Variants in PPP4R4 observed in about 807,000 individuals in gnomAD.
PPP4R4 encodes protein phosphatase 4 regulatory subunit 4.
PPP4R4 carries 70 observed loss-of-function variants against 121.8 expected under a neutral mutation model. That is an observed-to-expected ratio of 0.57 (90% CI 0.47 to 0.70). The LOEUF is 0.70. Ranked by LOEUF, PPP4R4 falls within the 30% of genes least tolerant of loss-of-function variation. The pLI is 0.00. For missense variants in PPP4R4, 875 were observed against 1,033.6 expected, an observed-to-expected ratio of 0.85 and a Z score of 2.10; for synonymous variants, 348 against 355.7, an observed-to-expected ratio of 0.98 and a Z score of 0.24.
intron 8 of PPP4R4, 77 bp downstream of exon 8, chr14:94,237,763 A>G (rs1892419748): frequency 1.3e-6 from 2 of 1,496,456 alleles, no homozygotes. Flanking sequence ...AAGGAATAAA[A>G]GTAGATTTAG....
At chr14:94,176,197 A>C (rs1888673054) in intron 2 of PPP4R4, 70 bp downstream of exon 2, 2 of 1,286,004 alleles carry the variant, frequency 1.6e-6, no homozygotes, top group South Asian at 1.2e-5. Flanking sequence ...TGCTTTCTAA[A>C]ATGTATGTTC....
At chr14:94,248,911 C>T (rs1893035445) in intron 14 of PPP4R4, among the ~76,000 whole-genome samples, 1 of 151,902 alleles carries the variant, frequency 6.6e-6, no homozygotes, top group Non-Finnish European at 1.5e-5. Flanking sequence ...GACAAATGCA[C>T]TTTGTTTTTA....
At position 94,278,442 on chromosome 14, in the gene PPP4R4, T is replaced by A. The variant is rs74075917; in HGVS notation, c.2598-177T>A. The stretch of plus-strand genomic sequence containing the variant: ...TAATCTTTAATGTGTAATTCATTTT[T>A]TCCCTTAATCAGACTTCTCATATAT... On this transcript the variant is annotated intron_variant, in intron 24 of 24. Transcript: ENST00000304338. Among the ~76,000 whole-genome samples the A allele has an allele frequency of 3.0e-3, 462 of 152,326 alleles. 2 individuals are homozygous for A. Among genetic ancestry groups the A allele is most frequent in the African/African-American group, 0.011 (447 of 41,582 alleles).
intron 19 of PPP4R4, among the ~76,000 whole-genome samples, chr14:94,263,302 T>C (rs1352975713): frequency 6.6e-6 from 1 of 152,098 alleles, no homozygotes; most frequent in African/African-American, 2.4e-5. Context: ...TTGTTCTTTC[T>C]CAATTTTTAA....
At chr14:94,183,507 G>T (rs759969732) in intron 2 of PPP4R4, among the ~76,000 whole-genome samples, 1 of 152,250 alleles carries the variant, frequency 6.6e-6, no homozygotes, top group East Asian at 1.9e-4. Flanking sequence ...GAATATAAAG[G>T]GTTTGGAGAT....
chr14:94,258,781 A>G lies in PPP4R4; in HGVS notation c.2011-2A>G, dbSNP rs1230961554. 6.4e-7 allele frequency: 1 copy of G among 1,564,804 alleles called. No homozygotes were observed. ...GAATAATTTTAAAAACTTTCCTTATAGACTGTATTAGAGTTGGACAGAATG... is the reference window on the plus strand; with the variant it reads ...GAATAATTTTAAAAACTTTCCTTATGGACTGTATTAGAGTTGGACAGAATG... On this transcript the variant is annotated splice_acceptor_variant, in intron 17 of 24. Transcript: ENST00000304338. LOFTEE classifies it high-confidence loss of function.
intron 2 of PPP4R4, among the ~76,000 whole-genome samples, chr14:94,201,957 T>TAC (rs1890212115): frequency 6.6e-6 from 1 of 150,674 alleles, no homozygotes; most frequent in Non-Finnish European, 1.5e-5. Context: ...TATATATATA[T>TAC]ACATATATAT....
intron 3 of PPP4R4, chr14:94,227,810 C>G: frequency 1.0e-6 from 1 of 986,614 alleles, no homozygotes; most frequent in Non-Finnish European, 1.2e-6. Context: ...TTTGCAAAGT[C>G]CTTTCTGTTT....
intron 23 of PPP4R4, among the ~76,000 whole-genome samples, chr14:94,274,207 A>T (rs571396902): frequency 6.6e-6 from 1 of 152,304 alleles, no homozygotes; most frequent in South Asian, 2.1e-4. Context: ...ATATTTTCTA[A>T]AGAAAATACA....
At position 94,270,970 on chromosome 14, in the gene PPP4R4, C is replaced by T. The variant is rs978896875; in HGVS notation, c.2449+3941C>T. On this transcript the variant is annotated intron_variant, in intron 23 of 24. Transcript: ENST00000304338. ...AAAAAAAGACTCAATTCAAAACTCACAGAAGAAGAAATAGACAATCTGAAT... is the reference window on the plus strand; with the variant it reads ...AAAAAAAGACTCAATTCAAAACTCATAGAAGAAGAAATAGACAATCTGAAT... Among the ~76,000 whole-genome samples, 4 of 150,900 alleles carry T rather than the reference C, an allele frequency of 2.7e-5. No individual in the cohort carries two copies. In the East Asian group the frequency reaches 5.9e-4, roughly 22 times the overall value.
Position 94,258,784 on chromosome 14 carries a change from C to G in PPP4R4, c.2012C>G (p.Thr671Ser). 6.4e-7 allele frequency: 1 copy of G among 1,568,256 alleles called. No individual in the cohort carries two copies. Among genetic ancestry groups the G allele is most frequent in the African/African-American group, 1.4e-5 (1 of 73,978 alleles). Residue 671 changes from threonine to serine, a missense_variant and splice_region_variant, in exon 18 of 25, where the codon ACT becomes AGT. Coordinates refer to ENST00000304338, the MANE Select transcript of PPP4R4 (RefSeq NM_058237.2). ...DKDVLAIVKR[T>S]VLELDRMEMS... ...TAATTTTAAAAACTTTCCTTATAGACTGTATTAGAGTTGGACAGAATGGAA... is the reference window on the plus strand; with the variant it reads ...TAATTTTAAAAACTTTCCTTATAGAGTGTATTAGAGTTGGACAGAATGGAA...
At chr14:94,192,380 T>G (rs1889649275) in intron 2 of PPP4R4, among the ~76,000 whole-genome samples, 1 of 152,134 alleles carries the variant, frequency 6.6e-6, no homozygotes, top group Non-Finnish European at 1.5e-5. Context: ...TACAAGAAGG[T>G]TTTGTCTTTC....
In PPP4R4 at chr14:94,217,806, C is replaced by T. The variant is rs150269737; in HGVS notation, c.294+9240C>T. Among the ~76,000 whole-genome samples, 224 of 152,096 alleles carry T rather than the reference C, an allele frequency of 1.5e-3. 1 individual carries two copies. Among genetic ancestry groups the T allele is most frequent in the South Asian group, 7.7e-3 (37 of 4,814 alleles). ...GGTCAGGAGTTTGAGACCAGTCTGA[C>T]CAACATGGAGAAACCCCATCTCTAG... On this transcript the variant is annotated intron_variant, in intron 3 of 24. Transcript: ENST00000304338.
At chr14:94,245,494 A>G in intron 12 of PPP4R4, 93 bp from the exon 13 acceptor site, 1 of 592,434 alleles carries the variant, frequency 1.7e-6, no homozygotes, top group Non-Finnish European at 2.8e-6. Context: ...GGAAAAAAAA[A>G]AACCACTACT....
intron 2 of PPP4R4, among the ~76,000 whole-genome samples, chr14:94,205,030 T>C (rs1890386954): frequency 6.6e-6 from 1 of 152,196 alleles, no homozygotes; most frequent in South Asian, 2.1e-4. Context: ...TTTTTGTATC[T>C]ATATATATGA....
At chr14:94,234,484 G>A (rs750324888) in intron 6 of PPP4R4, 78 bp from the exon 7 acceptor site, 10 of 861,518 alleles carry the variant, frequency 1.2e-5, no homozygotes, top group East Asian at 2.6e-5. Context: ...GGTGAGTTAA[G>A]ATTTTAATGA....
chr14:94,263,925 A>G (rs1395716793), intron 19 of PPP4R4, among the ~76,000 whole-genome samples: 1 of 151,980 alleles, frequency 6.6e-6, no homozygotes, highest in East Asian at 1.9e-4. Context: ...TTTATTCTCC[A>G]CTTGTTGACT....
At chr14:94,174,629 C>T in intron 1 of PPP4R4, 47 bp downstream of exon 1, 1 of 1,599,944 alleles carries the variant, frequency 6.3e-7, no homozygotes, top group Non-Finnish European at 8.5e-7. Context: ...CGGCCGCCTG[C>T]CCCGCGCGGT....
intron 7 of PPP4R4, among the ~76,000 whole-genome samples, chr14:94,234,879 C>T (rs1892245839): frequency 6.6e-6 from 1 of 152,096 alleles, no homozygotes; most frequent in South Asian, 2.1e-4. Flanking sequence ...ATTCCAGACA[C>T]CTAGATTCAG....
Sources: allele counts gnomAD v4.1 joint callset (sites outside exome capture counted in the v4.1 genomes callset), GRCh38; gene constraint gnomAD v4.1.1; transcripts MANE v1.5; gene names NCBI Gene and HGNC (gene_info 2026-07-23, HGNC 2026-07-21).